The following DNAH14 variants were observed in gnomAD, a reference collection of about 807,000 sequenced individuals.
The protein encoded by DNAH14 is axonemal beta dynein heavy chain 14.
In DNAH14, 478 loss-of-function variants were observed where a neutral mutation model predicts 520.9. The ratio of observed to expected loss-of-function variants is 0.92; its 90% CI spans 0.85 to 0.99. The LOEUF (loss-of-function observed/expected upper bound fraction) is 0.99, where lower values mean the gene tolerates loss of function less well. Among genes scored for constraint, DNAH14 ranks in the 50% least tolerant of loss-of-function variants. DNAH14 has a pLI of 0.00. For missense variants in DNAH14, 4,831 were observed against 5,234.5 expected, an observed-to-expected ratio of 0.92 and a Z score of 2.38; for synonymous variants, 1,581 against 1,757.2, an observed-to-expected ratio of 0.90 and a Z score of 2.51.
chr1:225,193,688 A>G (rs555852239), intron 38 of DNAH14, among the ~76,000 whole-genome samples: 36 of 152,146 alleles, frequency 2.4e-4, no homozygotes, highest in Non-Finnish European at 3.8e-4. Context: ...TAGTATTGCA[A>G]TTCCTAGCCA....
intron 29 of DNAH14, 30 bp downstream of exon 29, chr1:225,144,658 CT>C: frequency 6.7e-7 from 1 of 1,502,670 alleles, no homozygotes; most frequent in Non-Finnish European, 8.9e-7. Flanking sequence ...AGAATAAAAA[CT>C]TTTTTCTTTT....
intron 64 of DNAH14, among the ~76,000 whole-genome samples, chr1:225,325,722 T>C (rs143141695): frequency 1.1e-3 from 167 of 152,292 alleles, no homozygotes; most frequent in African/African-American, 3.9e-3. Context: ...AGTCCATTGA[T>C]ATCTTTTGAC....
chr1:225,379,276 A>G (rs943045390), intron 79 of DNAH14, among the ~76,000 whole-genome samples: 2 of 152,202 alleles, frequency 1.3e-5, no homozygotes, highest in African/African-American at 4.8e-5. Context: ...ATTATTTTAC[A>G]AAGAAATCCT....
intron 23 of DNAH14, among the ~76,000 whole-genome samples, chr1:225,104,519 C>CT (rs1240193069): frequency 6.6e-6 from 1 of 151,974 alleles, no homozygotes; most frequent in Non-Finnish European, 1.5e-5. Context: ...TGGTCCTGGA[C>CT]TTTTTTTGGT....
intron 55 of DNAH14, among the ~76,000 whole-genome samples, chr1:225,292,288 G>A (rs2093909330): frequency 6.6e-6 from 1 of 152,064 alleles, no homozygotes; most frequent in Non-Finnish European, 1.5e-5. Context: ...TGGGGTGAGA[G>A]GTGGGGGTCT....
chr1:225,354,291 TA>T (rs1349266750), intron 73 of DNAH14: 3 of 701,160 alleles, frequency 4.3e-6, no homozygotes, highest in Non-Finnish European at 7.8e-6. Flanking sequence ...TGTCTAATTC[TA>T]GGTTCTGTAT....
chr1:225,335,241 A>G (rs1337560378), intron 66 of DNAH14, among the ~76,000 whole-genome samples: 1 of 142,380 alleles, frequency 7.0e-6, no homozygotes, highest in African/African-American at 2.5e-5. Flanking sequence ...ACACATGTGT[A>G]CATTGTGTGT....
chr1:225,244,073 C>G (rs956768513), intron 43 of DNAH14, among the ~76,000 whole-genome samples: 3 of 151,804 alleles, frequency 2.0e-5, no homozygotes, highest in Non-Finnish European at 4.4e-5. Context: ...TTGAATTTAT[C>G]GAAGGCCTTT....
chr1:224,985,879 A>G, intron 8 of DNAH14, among the ~76,000 whole-genome samples: 1 of 152,030 alleles, frequency 6.6e-6, no homozygotes, highest in East Asian at 1.9e-4. Flanking sequence ...AAGAATAAAA[A>G]AAAATGAAGC....
rs1256421644 is a variant in DNAH14 at position 225,305,194 on chromosome 1, G to A, written c.9005+105G>A. The A allele has an allele frequency of 3.1e-6, 4 of 1,278,556 alleles. No individual in the cohort carries two copies. In the African/African-American group the frequency reaches 6.2e-5, roughly 20 times the overall value. 79.2% of individuals were successfully genotyped at this position (1,278,556 alleles called of 1,614,324 possible). On this transcript the variant is annotated intron_variant, in intron 58 of 85. Transcript: ENST00000682510. ...TGAGCCAAATCTGCCTTTTTGGTGGGACAAAAAGCCAGAAGCTGCAGAAGA... is the reference window on the plus strand; with the variant it reads ...TGAGCCAAATCTGCCTTTTTGGTGGAACAAAAAGCCAGAAGCTGCAGAAGA...
intron 41 of DNAH14, among the ~76,000 whole-genome samples, chr1:225,208,634 G>C (rs2087921425): frequency 6.6e-6 from 1 of 152,100 alleles, no homozygotes; most frequent in Non-Finnish European, 1.5e-5. Flanking sequence ...TAATTGCCTA[G>C]GAGTTCAGAG....
At chr1:225,172,840 A>G (rs547786927) in intron 36 of DNAH14, among the ~76,000 whole-genome samples, 25 of 152,286 alleles carry the variant, frequency 1.6e-4, no homozygotes, top group South Asian at 4.1e-4. Context: ...GAGGCATCAC[A>G]CTACCTGACT....
intron 27 of DNAH14, among the ~76,000 whole-genome samples, chr1:225,128,633 C>G (rs987791512): frequency 6.6e-6 from 1 of 151,628 alleles, no homozygotes; most frequent in African/African-American, 2.4e-5. Context: ...ATGCTAAAAA[C>G]TCTCAATAAA....
chr1:225,386,096 C>G (rs1490216767), intron 81 of DNAH14, among the ~76,000 whole-genome samples: 1 of 152,176 alleles, frequency 6.6e-6, no homozygotes, highest in African/African-American at 2.4e-5. Context: ...ACCATCTGAT[C>G]TTTGAGAAAC....
intron 25 of DNAH14, 21 bp downstream of exon 25, chr1:225,118,020 T>G (rs2148862333): frequency 6.8e-7 from 1 of 1,476,914 alleles, no homozygotes; most frequent in East Asian, 2.5e-5. Context: ...TGTTACAAAC[T>G]GTTTAGATTC....
intron 23 of DNAH14, among the ~76,000 whole-genome samples, chr1:225,115,168 T>C (rs1177579714): frequency 6.6e-6 from 1 of 152,124 alleles, no homozygotes; most frequent in Non-Finnish European, 1.5e-5. Context: ...ATGGAGTCTC[T>C]CTCTGTGTGC....
intron 37 of DNAH14, among the ~76,000 whole-genome samples, chr1:225,189,338 A>G (rs1277500118): frequency 6.6e-6 from 1 of 150,932 alleles, no homozygotes; most frequent in East Asian, 1.9e-4. Flanking sequence ...TTCTTGTGCC[A>G]TCTTTGGGTA....
chr1:224,946,287 C>G (rs189203147), intron 1 of DNAH14, among the ~76,000 whole-genome samples: 1 of 151,740 alleles, frequency 6.6e-6, no homozygotes, highest in African/African-American at 2.4e-5. Context: ...TAGGACCCTC[C>G]GAGCCAGACA....
chr1:225,304,278 CT>C (rs1455971205), intron 57 of DNAH14, among the ~76,000 whole-genome samples: 1 of 152,126 alleles, frequency 6.6e-6, no homozygotes, highest in African/African-American at 2.4e-5. Flanking sequence ...ATAAAGAAGT[CT>C]GGGCATGGTG....
Sources: allele counts gnomAD v4.1 joint callset (sites outside exome capture counted in the v4.1 genomes callset), GRCh38; gene constraint gnomAD v4.1.1; transcripts MANE v1.5; gene names NCBI Gene and HGNC (gene_info 2026-07-23, HGNC 2026-07-21).